Variants in HMBOX1 observed in about 807,000 individuals in gnomAD.
The protein encoded by HMBOX1 is homeobox containing 1.
A neutral mutation model predicts 54.5 loss-of-function variants in HMBOX1; 14 were observed. That is an observed-to-expected ratio of 0.26 (90% CI 0.17 to 0.40). The LOEUF is 0.40. Ranked by LOEUF, HMBOX1 falls within the 10% of genes least tolerant of loss-of-function variation. HMBOX1 has a pLI of 1.00. For missense variants in HMBOX1, 332 were observed against 514.4 expected (o/e 0.65, Z 3.43); for synonymous variants, 160 against 181.0 (o/e 0.88, Z 0.93).
intron 1 of HMBOX1, among the ~76,000 whole-genome samples, chr8:28,925,578 G>C (rs1187726777): frequency 3.3e-5 from 5 of 151,996 alleles, no homozygotes; most frequent in Non-Finnish European, 7.4e-5. Context: ...AAGCACTGCA[G>C]GTAAACCACC....
At chr8:29,005,064 CTTGT>C (rs981360144) in intron 4 of HMBOX1, among the ~76,000 whole-genome samples, 12 of 152,198 alleles carry the variant, frequency 7.9e-5, no homozygotes, top group East Asian at 5.8e-4. Context: ...GGAAGAAATT[CTTGT>C]TTATTTCTTC....
intron 1 of HMBOX1, among the ~76,000 whole-genome samples, chr8:28,900,291 T>TATATATATATATATATA (rs1554519282): frequency 1.4e-5 from 2 of 143,660 alleles, no homozygotes; most frequent in Non-Finnish European, 3.0e-5. Context: ...TATATATATA[T>TATATATATATATATATA]TTTGTTTCCT....
chr8:28,907,324 G>A (rs574454273), intron 1 of HMBOX1, among the ~76,000 whole-genome samples: 15 of 152,308 alleles, frequency 9.8e-5, no homozygotes, highest in Non-Finnish European at 2.1e-4. Context: ...CTTATTGCCA[G>A]GGTAGAGCTC....
chr8:29,012,193 C>T (rs758452216), intron 5 of HMBOX1, among the ~76,000 whole-genome samples: 10 of 152,148 alleles, frequency 6.6e-5, no homozygotes, highest in Middle Eastern at 3.2e-3. Context: ...AATTCTTTCT[C>T]GATAAAAGTG....
chr8:28,929,948 C>T (rs966118150), intron 1 of HMBOX1, among the ~76,000 whole-genome samples: 3 of 140,522 alleles, frequency 2.1e-5, no homozygotes, highest in Non-Finnish European at 3.1e-5. Context: ...CCCCCCGCCC[C>T]GCCAATGGAG....
chr8:28,948,478 T>C (rs533969496), intron 1 of HMBOX1, among the ~76,000 whole-genome samples: 1 of 152,348 alleles, frequency 6.6e-6, no homozygotes, highest in African/African-American at 2.4e-5. Flanking sequence ...AAATAATGTT[T>C]TAAAATTTTA....
chr8:28,938,344 A>G (rs1585933005), intron 1 of HMBOX1, among the ~76,000 whole-genome samples: 1 of 152,230 alleles, frequency 6.6e-6, no homozygotes, highest in African/African-American at 2.4e-5. Flanking sequence ...GTATTATGGG[A>G]AGGATATTTC....
chr8:29,001,885 A>G (rs1173597374), intron 4 of HMBOX1, among the ~76,000 whole-genome samples: 1 of 152,254 alleles, frequency 6.6e-6, no homozygotes, highest in Non-Finnish European at 1.5e-5. Flanking sequence ...CTATGAATTC[A>G]GAACAGAATG....
At chr8:28,897,466 G>T (rs1437983443) in intron 1 of HMBOX1, among the ~76,000 whole-genome samples, 1 of 152,068 alleles carries the variant, frequency 6.6e-6, no homozygotes, top group Non-Finnish European at 1.5e-5. Context: ...CATGAGGTCA[G>T]GAGTTCAAGA....
At chr8:28,912,459 C>G (rs1288972876) in intron 1 of HMBOX1, among the ~76,000 whole-genome samples, 1 of 152,222 alleles carries the variant, frequency 6.6e-6, no homozygotes, top group East Asian at 1.9e-4. Context: ...TGACTATTCT[C>G]AACCCCATTT....
chr8:28,974,933 C>T (rs1252801236), intron 3 of HMBOX1, among the ~76,000 whole-genome samples: 5 of 152,126 alleles, frequency 3.3e-5, no homozygotes, highest in South Asian at 2.1e-4. Flanking sequence ...GATCTTAAAG[C>T]ATATCATTTT....
intron 6 of HMBOX1, among the ~76,000 whole-genome samples, chr8:29,037,806 G>T (rs1327187418): frequency 1.3e-5 from 2 of 152,102 alleles, no homozygotes; most frequent in Non-Finnish European, 2.9e-5. Flanking sequence ...TGGGACTTAG[G>T]TTCTAAGTAT....
At chr8:28,904,832 C>T (rs906299777) in intron 1 of HMBOX1, among the ~76,000 whole-genome samples, 2 of 152,004 alleles carry the variant, frequency 1.3e-5, no homozygotes, top group East Asian at 1.9e-4. Flanking sequence ...CCCACCACCA[C>T]GCCCAACTAA....
rs1810673405 is a variant in HMBOX1 at position 28,890,510 on chromosome 8, C to T, written c.-226C>T. The T allele has an allele frequency of 6.5e-6, 1 of 153,046 alleles. No homozygotes were observed. Among genetic ancestry groups the T allele is most frequent in the Non-Finnish European group, 1.5e-5 (1 of 68,312 alleles). The allele number at this position is 153,046 out of a possible 1,614,324, so 9.5% of individuals were successfully genotyped here. On this transcript the variant is annotated 5_prime_UTR_variant, in exon 1 of 10. Transcript: ENST00000287701. ...GATAGGGGCCTCCCCTCCCCCTTCT[C>T]CTCTTCCTGCGCCGGCCTCAACCCC...
At chr8:28,933,657 A>C (rs1047493922) in intron 1 of HMBOX1, among the ~76,000 whole-genome samples, 1 of 152,190 alleles carries the variant, frequency 6.6e-6, no homozygotes. Flanking sequence ...ATAATAAGAG[A>C]ATATTATGAA....
At chr8:29,025,169 G>GA (rs1410015565) in intron 6 of HMBOX1, among the ~76,000 whole-genome samples, 1 of 151,696 alleles carries the variant, frequency 6.6e-6, no homozygotes, top group African/African-American at 2.4e-5. Context: ...ATAGATATCA[G>GA]AAAAAAAATG....
chr8:28,905,247 TGAAAA>T (rs755702849), intron 1 of HMBOX1, among the ~76,000 whole-genome samples: 9 of 152,174 alleles, frequency 5.9e-5, no homozygotes, highest in Non-Finnish European at 1.0e-4. Context: ...TTGTTGTTGT[TGAAAA>T]GAATTGTTTT....
At chr8:28,902,705 A>G (rs1267478115) in intron 1 of HMBOX1, among the ~76,000 whole-genome samples, 4 of 152,122 alleles carry the variant, frequency 2.6e-5, no homozygotes, top group Non-Finnish European at 2.9e-5. Flanking sequence ...ATTGTTTTTT[A>G]TGATCTATCC....
At chr8:28,986,698 G>C (rs1211165639) in intron 4 of HMBOX1, among the ~76,000 whole-genome samples, 1 of 152,144 alleles carries the variant, frequency 6.6e-6, no homozygotes, top group East Asian at 1.9e-4. Flanking sequence ...TTCGCAGAGT[G>C]CATTTTGGGA....
Sources: allele counts gnomAD v4.1 joint callset (sites outside exome capture counted in the v4.1 genomes callset), GRCh38; gene constraint gnomAD v4.1.1; transcripts MANE v1.5; gene names NCBI Gene and HGNC (gene_info 2026-07-23, HGNC 2026-07-21).